The following SHANK2 variants were observed in gnomAD, a reference collection of about 807,000 sequenced individuals.
SHANK2 encodes the protein SH3 and multiple ankyrin repeat domains 2.
SHANK2 carries 43 observed loss-of-function variants against 133.7 expected under a neutral mutation model. The observed-to-expected ratio is 0.32, with a 90% CI of 0.25 to 0.41. The LOEUF is 0.41. SHANK2 is among the 10% of genes least tolerant of loss of function. The pLI is 1.00. For synonymous variants in SHANK2, 1,017 were observed against 952.8 expected, an observed-to-expected ratio of 1.07 and a Z score of -1.24; for missense variants, 1,994 against 2,235.8, an observed-to-expected ratio of 0.89 and a Z score of 2.18.
intron 17 of SHANK2, among the ~76,000 whole-genome samples, chr11:70,582,372 A>G (rs4488220): frequency 0.86 from 130,672 of 152,246 alleles, 56,141 homozygotes; most frequent in South Asian, 0.92. Context: ...TCATGCACAC[A>G]TCTGCAAGTG....
chr11:71,207,817 A>G (rs1954158629), intron 2 of SHANK2, among the ~76,000 whole-genome samples: 1 of 151,980 alleles, frequency 6.6e-6, no homozygotes, highest in African/African-American at 2.4e-5. Flanking sequence ...CTGGAGGCTG[A>G]CCCTGCACCA....
intron 17 of SHANK2, among the ~76,000 whole-genome samples, chr11:70,651,662 G>A (rs1377202756): frequency 6.6e-6 from 1 of 152,210 alleles, no homozygotes; most frequent in Non-Finnish European, 1.5e-5. Flanking sequence ...AAGCCACTGA[G>A]CTGCCAGGAC....
At chr11:70,680,097 C>A (rs1944994600) in intron 15 of SHANK2, among the ~76,000 whole-genome samples, 1 of 152,156 alleles carries the variant, frequency 6.6e-6, no homozygotes, top group Non-Finnish European at 1.5e-5. Context: ...GGGAAGGGAG[C>A]AGAACTCCTG....
Position 71,160,030 on chromosome 11 carries a change from T to G in SHANK2, c.-12-12692A>C, listed in dbSNP as rs115992199. ...ACCTTTACAACATAGGACAGAGCGC[T>G]GTGGAAAATCTGGGAAGAATTCCTA... On this transcript the variant is annotated intron_variant, in intron 2 of 25. Coordinates refer to ENST00000601538, the MANE Select transcript of SHANK2 (RefSeq NM_012309.5). Among the ~76,000 whole-genome samples the G allele has an allele frequency of 7.8e-3, 1,164 of 150,114 alleles. 20 individuals carry two copies. Among genetic ancestry groups the G allele is most frequent in the African/African-American group, 0.027 (1,111 of 40,880 alleles).
At chr11:70,626,160 C>A (rs929445390) in intron 17 of SHANK2, among the ~76,000 whole-genome samples, 5 of 152,234 alleles carry the variant, frequency 3.3e-5, no homozygotes, top group African/African-American at 1.2e-4. Context: ...GAAAACACCC[C>A]CAGCAGCACC....
intron 1 of SHANK2, among the ~76,000 whole-genome samples, chr11:71,225,394 G>A (rs1181156384): frequency 6.6e-6 from 1 of 152,154 alleles, no homozygotes; most frequent in Admixed American, 6.5e-5. Context: ...ATCCCCACCA[G>A]GCAGTAACAA....
intron 11 of SHANK2, among the ~76,000 whole-genome samples, chr11:70,848,950 T>A (rs1555064562): frequency 6.6e-6 from 1 of 151,904 alleles, no homozygotes; most frequent in Non-Finnish European, 1.5e-5. Flanking sequence ...GGCCTCTGAG[T>A]GGGTGAAGGG....
At chr11:71,196,697 G>T (rs1477124101) in intron 2 of SHANK2, among the ~76,000 whole-genome samples, 3 of 151,286 alleles carry the variant, frequency 2.0e-5, no homozygotes, top group Non-Finnish European at 4.4e-5. Flanking sequence ...CCCCCGCATG[G>T]CTCACAAAGA....
chr11:70,725,004 T>G (rs1270883889), intron 14 of SHANK2, among the ~76,000 whole-genome samples: 1 of 152,230 alleles, frequency 6.6e-6, no homozygotes, highest in African/African-American at 2.4e-5. Flanking sequence ...AACCAACATT[T>G]GCTAAATGCC....
intron 17 of SHANK2, among the ~76,000 whole-genome samples, chr11:70,615,125 T>C (rs2060720778): frequency 6.6e-6 from 1 of 152,276 alleles, no homozygotes; most frequent in South Asian, 2.1e-4. Flanking sequence ...AACTCAACAC[T>C]CAGCCTCCCT....
chr11:71,113,817 G>A (rs1555099859), intron 4 of SHANK2, among the ~76,000 whole-genome samples: 1 of 152,184 alleles, frequency 6.6e-6, no homozygotes, highest in East Asian at 1.9e-4. Flanking sequence ...GCTGGGAAAG[G>A]CCCCACCTCC....
intron 8 of SHANK2, among the ~76,000 whole-genome samples, chr11:71,076,742 C>A (rs1270916743): frequency 6.6e-6 from 1 of 152,208 alleles, no homozygotes; most frequent in Non-Finnish European, 1.5e-5. Flanking sequence ...CAGGGAAGGC[C>A]TCCCCACCCT....
chr11:70,896,675 C>G, intron 10 of SHANK2, 108 bp from the exon 11 acceptor site: 2 of 643,454 alleles, frequency 3.1e-6, no homozygotes, highest in Non-Finnish European at 5.7e-6. Context: ...CCAATCAGAA[C>G]CTTTAAAATG....
intron 7 of SHANK2, among the ~76,000 whole-genome samples, chr11:71,092,957 G>T (rs782197958): frequency 4.1e-5 from 6 of 147,356 alleles, no homozygotes; most frequent in Non-Finnish European, 7.5e-5. Context: ...CAGGAGAATT[G>T]CTTGAACCTG....
intron 14 of SHANK2, among the ~76,000 whole-genome samples, chr11:70,760,766 G>A (rs1231603011): frequency 1.3e-5 from 2 of 152,222 alleles, no homozygotes; most frequent in African/African-American, 4.8e-5. Flanking sequence ...CCAGCTGAAG[G>A]CAGTTGCTGA....
intron 1 of SHANK2, among the ~76,000 whole-genome samples, chr11:71,226,913 T>TG (rs1555122334): frequency 6.6e-6 from 1 of 152,128 alleles, no homozygotes; most frequent in African/African-American, 2.4e-5. Flanking sequence ...GAAGCAAAAA[T>TG]TACAACATAA....
chr11:71,169,754 CAAAAAAAAAA>C (rs35339054), intron 2 of SHANK2, among the ~76,000 whole-genome samples: 2 of 90,318 alleles, frequency 2.2e-5, no homozygotes, highest in African/African-American at 8.7e-5. Flanking sequence ...GACTCCATCT[CAAAAAAAAAA>C]AAAAAAAAAG....
intron 2 of SHANK2, among the ~76,000 whole-genome samples, chr11:71,193,293 C>G (rs1467743103): frequency 1.3e-5 from 2 of 152,168 alleles, no homozygotes; most frequent in Non-Finnish European, 2.9e-5. Context: ...CTCATCAGAG[C>G]CTTGCAGCAA....
At chr11:71,092,698 C>A in intron 7 of SHANK2, 109 bp from the exon 8 acceptor site, 1 of 1,068,814 alleles carries the variant, frequency 9.4e-7, no homozygotes, top group South Asian at 1.5e-5. Flanking sequence ...GTCAAGGCAA[C>A]CCACACCCTG....
Sources: gnomAD v4.1 joint callset for allele counts (sites outside exome capture counted in the v4.1 genomes callset) on GRCh38, gnomAD v4.1.1 for gene constraint, MANE v1.5 for transcripts, NCBI Gene and HGNC (gene_info 2026-07-23, HGNC 2026-07-21) for gene names.